The following SYTL2 variants were observed in gnomAD, a reference collection of about 807,000 sequenced individuals.
SYTL2 encodes synaptotagmin like 2, also known as synaptotagmin-like protein 2.
A neutral mutation model predicts 198.7 loss-of-function variants in SYTL2; 165 were observed. The ratio of observed to expected loss-of-function variants is 0.83; its 90% CI spans 0.73 to 0.94. The LOEUF (loss-of-function observed/expected upper bound fraction) is 0.94. Ranked by LOEUF, SYTL2 falls within the 40% of genes least tolerant of loss-of-function variation. SYTL2 has a pLI of 0.00. For missense variants in SYTL2, 2,835 were observed against 2,582.8 expected, an observed-to-expected ratio of 1.10 and a Z score of -2.12; for synonymous variants, 966 against 917.7, an observed-to-expected ratio of 1.05 and a Z score of -0.95.
At position 85,726,469 on chromosome 11, in the gene SYTL2, G is replaced by A; in HGVS notation, c.2889C>T (p.Ser963=). 6.2e-7 allele frequency: 1 copy of A among 1,612,098 alleles called. No individual in the cohort carries two copies. Among genetic ancestry groups the A allele is most frequent in the African/African-American group, 1.3e-5 (1 of 74,954 alleles). Residue 963 remains serine, a synonymous_variant, in exon 8 of 20, where the codon TCC becomes TCT. Coordinates refer to ENST00000359152, the MANE Select transcript of SYTL2 (RefSeq NM_206927.4). ...TGGGTTCATCCATTCTTTCTTTTAG[G>A]GACATAACTTTAAAGTTGGCATTTG... ...RESNANFKVM[S]LKERMDEPNA...
the SYTL2 span, chr11:85,853,816 TAAAAAA>T: frequency 7.3e-6 from 1 of 136,238 alleles, no homozygotes; most frequent in African/African-American, 2.8e-5. Flanking sequence ...CGTTAAGCTG[TAAAAAA>T]TAAAAATAAA....
intron 17 of SYTL2, among the ~76,000 whole-genome samples, chr11:85,698,629 C>T (rs2083775951): frequency 6.6e-6 from 1 of 152,144 alleles, no homozygotes; most frequent in African/African-American, 2.4e-5. Flanking sequence ...CCTCAACCTC[C>T]TGGGCTCAAG....
chr11:85,731,155 T>C (rs983423267), intron 7 of SYTL2, among the ~76,000 whole-genome samples: 2 of 152,136 alleles, frequency 1.3e-5, no homozygotes, highest in African/African-American at 4.8e-5. Flanking sequence ...AAAATGGCCA[T>C]ACTGACCAAA....
chr11:85,778,961 G>C (rs1194419894), intron 1 of SYTL2, among the ~76,000 whole-genome samples: 1 of 152,122 alleles, frequency 6.6e-6, no homozygotes, highest in Non-Finnish European at 1.5e-5. Context: ...CTGGGTGATA[G>C]AGCCAGACCT....
At chr11:85,849,647 T>A in the SYTL2 span, among the ~76,000 whole-genome samples, 2 of 150,138 alleles carry the variant, frequency 1.3e-5, no homozygotes, top group East Asian at 3.9e-4. Flanking sequence ...TTGATCTATA[T>A]CTCTGTTTTG....
the SYTL2 span, among the ~76,000 whole-genome samples, chr11:85,837,277 A>G: frequency 6.6e-6 from 1 of 152,212 alleles, no homozygotes; most frequent in Admixed American, 6.5e-5. Flanking sequence ...AATGAAGGGT[A>G]TAAGAGTGTG....
chr11:85,695,402 A>G (rs2083276684), intron 19 of SYTL2, 62 bp from the exon 20 acceptor site: 1 of 1,396,678 alleles, frequency 7.2e-7, no homozygotes, highest in Admixed American at 2.4e-5. Flanking sequence ...GGAAAGAGGG[A>G]AAGTTATTCC....
At position 85,717,522 on chromosome 11, in the gene SYTL2, G is replaced by C; in HGVS notation, c.5491C>G (p.Pro1831Ala). 6.2e-7 allele frequency: 1 copy of C among 1,612,682 alleles called. No individual in the cohort carries two copies. Among genetic ancestry groups the C allele is most frequent in the Non-Finnish European group, 8.5e-7 (1 of 1,178,966 alleles). Residue 1831 changes from proline (P) to alanine (A), a missense_variant, in exon 11 of 20, where the codon CCA becomes GCA. Pro to Ala is a conservative substitution (Grantham distance 27). Around this residue, in one of 3 missense-constraint regions of SYTL2, gnomAD observed 2,645 missense variants for 2,381.7 expected, o/e 1.11. Coordinates refer to ENST00000359152, the MANE Select transcript of SYTL2 (RefSeq NM_206927.4). ...LVRSAEDDEK[P>A]DQKPVTNECV... ...TCATTTGTAACTGGCTTCTGATCTG[G>C]TTTCTCATCTACTCAGGAGGGCAAC...
intron 1 of SYTL2, among the ~76,000 whole-genome samples, chr11:85,801,884 G>T (rs576947836): frequency 4.3e-4 from 64 of 150,034 alleles, no homozygotes; most frequent in African/African-American, 1.4e-3. Flanking sequence ...GCGCGATCTC[G>T]GCTCACTGCA....
intron 1 of SYTL2, among the ~76,000 whole-genome samples, chr11:85,800,766 A>G (rs2092875074): frequency 6.6e-6 from 1 of 152,168 alleles, no homozygotes; most frequent in East Asian, 1.9e-4. Flanking sequence ...GTTCCACAAC[A>G]GGGTCACATC....
rs769176887 is a variant in SYTL2 at position 85,725,295 on chromosome 11, T to A, written c.4063A>T (p.Thr1355Ser). Reference sequence around the variant, plus strand: ...GGTGGAAGAATGACTTTCTCTACAGTCTCCGAAATTTCCGTTTGAGAAGGG... The same window carrying A: ...GGTGGAAGAATGACTTTCTCTACAGACTCCGAAATTTCCGTTTGAGAAGGG... ...VHPSQTEISETVEKVILPPRP... is the reference protein window; with the variant it reads ...VHPSQTEISESVEKVILPPRP... The change falls in exon 8 of 20, where the codon ACT becomes TCT. Residue 1355 changes from threonine to serine, a missense_variant. Thr to Ser is a moderately conservative substitution (Grantham distance 58). Around this residue, in one of 3 missense-constraint regions of SYTL2, gnomAD observed 2,645 missense variants for 2,381.7 expected, o/e 1.11. Transcript: ENST00000359152. 34 of 1,614,010 alleles carry A rather than the reference T, an allele frequency of 2.1e-5. No homozygotes were observed. Among genetic ancestry groups the A allele is most frequent in the Non-Finnish European group, 2.9e-5 (34 of 1,179,976 alleles).
chr11:85,820,821 T>C, the SYTL2 span, among the ~76,000 whole-genome samples: 12 of 152,250 alleles, frequency 7.9e-5, no homozygotes, highest in African/African-American at 2.9e-4. Flanking sequence ...GCTGCACACT[T>C]AAGATTTGGG....
intron 1 of SYTL2, among the ~76,000 whole-genome samples, chr11:85,758,317 C>T (rs1421427103): frequency 6.6e-6 from 1 of 152,090 alleles, no homozygotes; most frequent in African/African-American, 2.4e-5. Flanking sequence ...GGAGAACCCA[C>T]AAAAATGCCT....
chr11:85,838,767 T>A, the SYTL2 span, among the ~76,000 whole-genome samples: 1 of 152,124 alleles, frequency 6.6e-6, no homozygotes. Flanking sequence ...AACATGAGAT[T>A]TGGATGGGGA....
At chr11:85,744,793 G>T (rs187573064) in intron 4 of SYTL2, among the ~76,000 whole-genome samples, 1 of 152,146 alleles carries the variant, frequency 6.6e-6, no homozygotes, top group East Asian at 1.9e-4. Flanking sequence ...AAAGGCAACT[G>T]CCCCTCTCAC....
At position 85,734,678 on chromosome 11, in the gene SYTL2, T is replaced by C. The variant is rs374146053; in HGVS notation, c.651A>G (p.Lys217=). The change falls in exon 7 of 20, where the codon AAA becomes AAG. Residue 217 remains lysine, a synonymous_variant. Transcript: ENST00000359152. The part of the protein sequence containing the change: ...VADTSIQKLE[K]SKQTLPGLSN... ...AAAGGCCTGGCAAAGTCTGCTTTGA[T>C]TTCTCTAACTTTTGGATTGAAGTAT... is the stretch of plus-strand genomic sequence containing the variant. The C allele has an allele frequency of 2.4e-5, 38 of 1,614,060 alleles. No individual in the cohort carries two copies. In the African/African-American group the frequency reaches 4.5e-4, roughly 19 times the overall value.
At chr11:85,833,479 G>C in the SYTL2 span, among the ~76,000 whole-genome samples, 1 of 150,416 alleles carries the variant, frequency 6.6e-6, no homozygotes, top group Admixed American at 6.6e-5. Context: ...GTAGAGGAAA[G>C]TGACATGATC....
intron 7 of SYTL2, among the ~76,000 whole-genome samples, chr11:85,728,617 A>C (rs1413054715): frequency 6.6e-6 from 1 of 152,018 alleles, no homozygotes; most frequent in Non-Finnish European, 1.5e-5. Flanking sequence ...ATTTTCTCTT[A>C]CTTTTAAATC....
rs773180103 is a variant in SYTL2 at position 85,734,210 on chromosome 11, C to T, written c.1119G>A (p.Gly373=). 1.1e-5 allele frequency: 18 copies of T among 1,614,036 alleles called. No homozygotes were observed. The highest frequency in any genetic ancestry group is 1.4e-5 in the Non-Finnish European group (17 of 1,180,016). ...DRLKNGMEDA[G]DTEEFQSDPK... ...GGTCACTCTGAAACTCTTCTGTGTC[C>T]CCTGCATCTTCCATTCCATTTTTCA... Residue 373 remains glycine (G), a synonymous_variant, in exon 7 of 20, where the codon GGG becomes GGA. Coordinates refer to ENST00000359152, the MANE Select transcript of SYTL2 (RefSeq NM_206927.4).
Sources: allele counts gnomAD v4.1 joint callset (sites outside exome capture counted in the v4.1 genomes callset), GRCh38; gene constraint gnomAD v4.1.1; regional missense constraint gnomAD v4.1.1; transcripts MANE v1.5; gene names NCBI Gene and HGNC (gene_info 2026-07-23, HGNC 2026-07-21).